NIPAL2: variants seen among roughly 807,000 people sequenced by gnomAD.
The protein encoded by NIPAL2 is NIPA-like protein 2.
NIPAL2 carries 43 observed loss-of-function variants against 48.9 expected under a neutral mutation model. The ratio of observed to expected loss-of-function variants is 0.88; its 90% CI spans 0.69 to 1.13. The LOEUF (loss-of-function observed/expected upper bound fraction) is 1.13, where lower values mean the gene tolerates loss of function less well. Among genes scored for constraint, NIPAL2 ranks in the 50% most tolerant of loss-of-function variants. NIPAL2 has a pLI of 0.00. For missense variants in NIPAL2, 446 were observed against 461.4 expected (o/e 0.97, Z 0.31); for synonymous variants, 167 against 174.6 (o/e 0.96, Z 0.34).
intron 10 of NIPAL2, 59 bp downstream of exon 10, chr8:98,194,669 C>T: frequency 2.2e-6 from 2 of 900,492 alleles, no homozygotes; most frequent in Non-Finnish European, 3.3e-6. Context: ...CAAAATAATA[C>T]CAATAACTAT....
chr8:98,266,282 T>TAA (rs35353680), intron 1 of NIPAL2, among the ~76,000 whole-genome samples: 2,931 of 142,252 alleles, frequency 0.021, 88 homozygotes, highest in African/African-American at 0.067. Flanking sequence ...TAAAGTATAA[T>TAA]AAAAAAAAAA....
intron 1 of NIPAL2, among the ~76,000 whole-genome samples, chr8:98,259,704 C>A (rs986137094): frequency 2.0e-5 from 3 of 152,206 alleles, no homozygotes; most frequent in Non-Finnish European, 4.4e-5. Flanking sequence ...ATTTTGAGAA[C>A]AAGCCCAGGC....
chr8:98,205,952 G>A (rs544249956), intron 6 of NIPAL2, among the ~76,000 whole-genome samples: 68 of 152,282 alleles, frequency 4.5e-4, no homozygotes, highest in Admixed American at 9.8e-4. Flanking sequence ...TGCTAAAGTG[G>A]AACTCATCCC....
intron 4 of NIPAL2, among the ~76,000 whole-genome samples, chr8:98,233,340 ATG>A (rs59700892): frequency 0.31 from 46,539 of 149,664 alleles, 7,727 homozygotes; most frequent in African/African-American, 0.45. Flanking sequence ...TGTTTTCTTG[ATG>A]TGTGTGTGTG....
chr8:98,220,173 G>A (rs1035217710), intron 5 of NIPAL2, among the ~76,000 whole-genome samples: 13 of 152,084 alleles, frequency 8.5e-5, no homozygotes, highest in African/African-American at 2.9e-4. Context: ...ATACATATCA[G>A]AAATGGCAGG....
chr8:98,271,526 T>A (rs1045806072), intron 1 of NIPAL2, among the ~76,000 whole-genome samples: 2 of 152,148 alleles, frequency 1.3e-5, no homozygotes, highest in South Asian at 4.1e-4. Flanking sequence ...AGAAATGCTA[T>A]GATTTTTTGT....
Position 98,254,001 on chromosome 8 carries a change from A to G in NIPAL2, c.204+18T>C. ...CTGGATCAATCTATAGTGTTAGAAA[A>G]ATAAGCTTTTTTCTTACCTGAATAT... is the stretch of plus-strand genomic sequence containing the variant. On this transcript the variant is annotated intron_variant, in intron 2 of 10. Coordinates refer to ENST00000430223, the MANE Select transcript of NIPAL2 (RefSeq NM_001321635.2). 1 of 1,578,240 alleles carries G rather than the reference A, an allele frequency of 6.3e-7. No individual in the cohort carries two copies. Among genetic ancestry groups the G allele is most frequent in the Non-Finnish European group, 8.7e-7 (1 of 1,149,586 alleles).
chr8:98,275,046 A>T (rs188530064), intron 1 of NIPAL2, among the ~76,000 whole-genome samples: 2 of 152,290 alleles, frequency 1.3e-5, no homozygotes, highest in East Asian at 3.9e-4. Context: ...GTTCCCAGGC[A>T]TATTTCCTCT....
intron 5 of NIPAL2, among the ~76,000 whole-genome samples, chr8:98,221,517 G>A (rs1222786525): frequency 6.6e-6 from 1 of 152,034 alleles, no homozygotes; most frequent in Admixed American, 6.6e-5. Context: ...TGGAAATTTT[G>A]GAGGGCAGTT....
At chr8:98,225,883 T>C (rs1812150040) in intron 4 of NIPAL2, among the ~76,000 whole-genome samples, 1 of 152,142 alleles carries the variant, frequency 6.6e-6, no homozygotes, top group Admixed American at 6.5e-5. Flanking sequence ...CTAGATCTTG[T>C]AAGCGTGTTC....
chr8:98,287,336 C>T (rs1443405151), intron 1 of NIPAL2, among the ~76,000 whole-genome samples: 1 of 152,100 alleles, frequency 6.6e-6, no homozygotes, highest in African/African-American at 2.4e-5. Context: ...AGAATCTCTG[C>T]CTTAGTACTT....
chr8:98,285,138 G>T (rs927601785), intron 1 of NIPAL2, among the ~76,000 whole-genome samples: 25 of 152,166 alleles, frequency 1.6e-4, no homozygotes, highest in African/African-American at 6.0e-4. Context: ...AGAGTAAGTG[G>T]GTTATTCTGG....
At chr8:98,200,394 T>C (rs1260957338) in intron 8 of NIPAL2, among the ~76,000 whole-genome samples, 1 of 152,256 alleles carries the variant, frequency 6.6e-6, no homozygotes, top group African/African-American at 2.4e-5. Flanking sequence ...TTTTTATTTT[T>C]GTGACTGGCT....
intron 1 of NIPAL2, among the ~76,000 whole-genome samples, chr8:98,268,277 C>CACAATAGA (rs1319913061): frequency 6.6e-6 from 1 of 151,862 alleles, no homozygotes; most frequent in Admixed American, 6.6e-5. Flanking sequence ...TCTTTACTAA[C>CACAATAGA]ACAATAGAAA....
intron 5 of NIPAL2, among the ~76,000 whole-genome samples, chr8:98,220,146 G>A (rs1472586706): frequency 6.6e-6 from 1 of 152,028 alleles, no homozygotes; most frequent in Non-Finnish European, 1.5e-5. Context: ...GTAAGTATTT[G>A]TGTTCTAGTG....
chr8:98,233,704 T>C (rs1372669076), intron 4 of NIPAL2, among the ~76,000 whole-genome samples: 3 of 152,260 alleles, frequency 2.0e-5, no homozygotes, highest in Non-Finnish European at 4.4e-5. Context: ...GTTCTCTAAG[T>C]ATATAAGAAA....
At chr8:98,268,619 A>C (rs924539152) in intron 1 of NIPAL2, among the ~76,000 whole-genome samples, 13 of 110,598 alleles carry the variant, frequency 1.2e-4, no homozygotes, top group African/African-American at 3.6e-4. Context: ...AGACTGTCTC[A>C]AAGAAAAAAA....
At chr8:98,242,567 C>T (rs1222451913) in intron 3 of NIPAL2, among the ~76,000 whole-genome samples, 1 of 148,362 alleles carries the variant, frequency 6.7e-6, no homozygotes, top group Non-Finnish European at 1.5e-5. Flanking sequence ...CTCACTGCAA[C>T]TTCCGCTTCC....
chr8:98,266,155 A>G (rs1372738581), intron 1 of NIPAL2, among the ~76,000 whole-genome samples: 1 of 109,380 alleles, frequency 9.1e-6, no homozygotes, highest in African/African-American at 3.4e-5. Context: ...GGGGGGAGGG[A>G]TAGCATTGGG....
Sources: allele counts gnomAD v4.1 joint callset (sites outside exome capture counted in the v4.1 genomes callset), GRCh38; gene constraint gnomAD v4.1.1; transcripts MANE v1.5; gene names NCBI Gene and HGNC (gene_info 2026-07-23, HGNC 2026-07-21).